Variants in FAM149B1 observed in about 807,000 individuals in gnomAD.
The protein encoded by FAM149B1 is primary cilium assembly protein FAM149B1.
FAM149B1 carries 56 observed loss-of-function variants against 75.3 expected under a neutral mutation model. The observed-to-expected ratio is 0.74, with a 90% CI of 0.60 to 0.93. The LOEUF is 0.93. Among genes scored for constraint, FAM149B1 ranks in the 40% least tolerant of loss-of-function variants. FAM149B1 has a pLI of 0.00. For missense variants in FAM149B1, 639 were observed against 708.4 expected, an observed-to-expected ratio of 0.90 and a Z score of 1.11; for synonymous variants, 259 against 256.1, an observed-to-expected ratio of 1.01 and a Z score of -0.11.
Position 73,234,942 on chromosome 10 carries a change from T to C in FAM149B1, c.1476+2T>C. On this transcript the variant is annotated splice_donor_variant, in intron 11 of 13. Coordinates refer to ENST00000242505, the MANE Select transcript of FAM149B1 (RefSeq NM_173348.2). LOFTEE classifies it high-confidence loss of function. ...ACTGTGGGGCCACAAAGACAGATGGTATGTTTCTTTCATATTGCCTCTCCA... is the reference window on the plus strand; with the variant it reads ...ACTGTGGGGCCACAAAGACAGATGGCATGTTTCTTTCATATTGCCTCTCCA... The C allele has an allele frequency of 6.4e-7, 1 of 1,551,850 alleles. No individual in the cohort carries two copies. The highest frequency in any genetic ancestry group is 1.4e-5 in the African/African-American group (1 of 73,160).
intron 10 of FAM149B1, among the ~76,000 whole-genome samples, chr10:73,233,617 T>C (rs1443444119): frequency 6.6e-6 from 1 of 152,204 alleles, no homozygotes; most frequent in Non-Finnish European, 1.5e-5. Context: ...GTGCTGAGAT[T>C]ACAGGTGTGA....
chr10:73,196,454 T>G (rs2042808281), intron 5 of FAM149B1, among the ~76,000 whole-genome samples: 1 of 152,164 alleles, frequency 6.6e-6, no homozygotes, highest in Non-Finnish European at 1.5e-5. Context: ...TCTGAGTAGC[T>G]AGGCTATTTT....
At chr10:73,183,466 C>G (rs547642603) in intron 3 of FAM149B1, 1 of 152,266 alleles carries the variant, frequency 6.6e-6, no homozygotes, top group African/African-American at 2.4e-5. Flanking sequence ...GGTGAATTCT[C>G]TCATCCATTT....
intron 5 of FAM149B1, among the ~76,000 whole-genome samples, chr10:73,197,813 A>C (rs980140588): frequency 5.9e-5 from 9 of 152,092 alleles, no homozygotes; most frequent in Non-Finnish European, 1.0e-4. Context: ...TGGTGGCAGC[A>C]TACAGGGGAA....
At chr10:73,194,964 G>A (rs1159258028) in intron 5 of FAM149B1, among the ~76,000 whole-genome samples, 1 of 152,150 alleles carries the variant, frequency 6.6e-6, no homozygotes, top group Non-Finnish European at 1.5e-5. Context: ...GATTACAGGT[G>A]TGAGCCACCA....
In FAM149B1 at chr10:73,243,617, T is replaced by C; in HGVS notation, c.*2598T>C. ...GCTGGAAAAGTGGAATAACTACTAA[T>C]GGGTATGGAGTTTTTTTGGAATGGT... On this transcript the variant is annotated 3_prime_UTR_variant, in exon 14 of 14. Coordinates refer to ENST00000242505, the MANE Select transcript of FAM149B1 (RefSeq NM_173348.2). The C allele has an allele frequency of 8.1e-6, 12 of 1,478,554 alleles. No individual in the cohort carries two copies. The highest frequency in any genetic ancestry group is 1.1e-5 in the Non-Finnish European group (12 of 1,080,542). The allele number at this position is 1,478,554 out of a possible 1,614,324, so 91.6% of individuals were successfully genotyped here.
Position 73,243,383 on chromosome 10 carries a change from T to C in FAM149B1, c.*2364T>C. On this transcript the variant is annotated 3_prime_UTR_variant, in exon 14 of 14. Transcript: ENST00000242505. ...GCATCAATTTACACCTAAGGACCTT[T>C]GAAGAGAAAAATTCCATTATTTCTT... The C allele has an allele frequency of 1.2e-6, 2 of 1,612,606 alleles. No individual in the cohort carries two copies. Among genetic ancestry groups the C allele is most frequent in the Non-Finnish European group, 1.7e-6 (2 of 1,179,778 alleles).
intron 12 of FAM149B1, among the ~76,000 whole-genome samples, chr10:73,236,437 G>A (rs1193502286): frequency 1.4e-5 from 2 of 143,984 alleles, no homozygotes; most frequent in East Asian, 2.0e-4. Flanking sequence ...TTTTTGAGAC[G>A]GAGTCTCGCT....
At chr10:73,200,297 A>G in intron 5 of FAM149B1, 1 of 358,376 alleles carries the variant, frequency 2.8e-6, no homozygotes, top group Admixed American at 3.4e-5. Flanking sequence ...GCACCATTGC[A>G]CTCCATCCAG....
chr10:73,180,066 T>C (rs2042360367), intron 3 of FAM149B1, among the ~76,000 whole-genome samples: 2 of 152,118 alleles, frequency 1.3e-5, no homozygotes, highest in African/African-American at 4.8e-5. Flanking sequence ...ATGAGGGAGA[T>C]TGACAAAAGT....
intron 3 of FAM149B1, among the ~76,000 whole-genome samples, chr10:73,179,938 A>T (rs1428451408): frequency 6.6e-6 from 1 of 152,098 alleles, no homozygotes; most frequent in Non-Finnish European, 1.5e-5. Flanking sequence ...ATTATCTGAT[A>T]CTTGGGTTTT....
chr10:73,225,036 A>G (rs1306011000), intron 7 of FAM149B1, among the ~76,000 whole-genome samples: 2 of 152,158 alleles, frequency 1.3e-5, no homozygotes, highest in Non-Finnish European at 2.9e-5. Context: ...TCAAAGCACA[A>G]CTCATTACTG....
At chr10:73,173,019 T>C (rs1041576376) in intron 1 of FAM149B1, among the ~76,000 whole-genome samples, 1 of 152,054 alleles carries the variant, frequency 6.6e-6, no homozygotes, top group Admixed American at 6.6e-5. Flanking sequence ...CACAGGAGGC[T>C]GAGACAGAAG....
At chr10:73,189,672 A>T (rs1420245370) in intron 3 of FAM149B1, among the ~76,000 whole-genome samples, 1 of 152,256 alleles carries the variant, frequency 6.6e-6, no homozygotes, top group East Asian at 1.9e-4. Context: ...AATCCCAATT[A>T]TATGAAGTTC....
At chr10:73,215,733 G>C (rs2043285327) in intron 7 of FAM149B1, among the ~76,000 whole-genome samples, 1 of 152,082 alleles carries the variant, frequency 6.6e-6, no homozygotes, top group South Asian at 2.1e-4. Context: ...GTTCTTTGTG[G>C]TGTTGATTTC....
At chr10:73,237,243 T>C (rs968644897) in intron 12 of FAM149B1, among the ~76,000 whole-genome samples, 1 of 152,198 alleles carries the variant, frequency 6.6e-6, no homozygotes, top group Non-Finnish European at 1.5e-5. Context: ...CGAGGCTGAC[T>C]TAGGGAGAAA....
intron 3 of FAM149B1, among the ~76,000 whole-genome samples, chr10:73,186,720 C>G (rs981494311): frequency 6.6e-6 from 1 of 152,110 alleles, no homozygotes; most frequent in African/African-American, 2.4e-5. Flanking sequence ...AAAGAAGTTC[C>G]GATACATGTT....
intron 5 of FAM149B1, among the ~76,000 whole-genome samples, chr10:73,199,305 C>T (rs1319106542): frequency 6.6e-6 from 1 of 151,924 alleles, no homozygotes; most frequent in Non-Finnish European, 1.5e-5. Flanking sequence ...GCAAGCTCCG[C>T]CCCCCAGGTT....
chr10:73,189,359 T>C (rs898905970), intron 3 of FAM149B1, among the ~76,000 whole-genome samples: 17 of 152,214 alleles, frequency 1.1e-4, no homozygotes, highest in African/African-American at 3.9e-4. Flanking sequence ...ATACATTTAT[T>C]ATGTGACAGC....
Sources: allele counts gnomAD v4.1 joint callset (sites outside exome capture counted in the v4.1 genomes callset), GRCh38; gene constraint gnomAD v4.1.1; transcripts MANE v1.5; gene names NCBI Gene and HGNC (gene_info 2026-07-23, HGNC 2026-07-21).